The following CNNM1 variants were observed in gnomAD, a reference collection of about 807,000 sequenced individuals.
CNNM1 encodes the protein metal transporter CNNM1.
Under a neutral mutation model 78.8 loss-of-function variants are expected in CNNM1, and 44 were observed. The observed-to-expected ratio is 0.56, with a 90% CI of 0.44 to 0.72. The LOEUF is 0.72. CNNM1 is among the 30% of genes least tolerant of loss of function. The pLI is 0.00. For missense variants in CNNM1, 1,101 were observed against 1,292.2 expected (o/e 0.85, Z 2.27); for synonymous variants, 584 against 581.5 (o/e 1.00, Z -0.06).
In CNNM1 at chr10:99,392,905, C is replaced by T; in HGVS notation, c.*1389C>T. ...CCTGGGAGGCAGAGGTTGCAGTGAGCTGAGATCACACCACTGCACTTCATC... is the reference window on the plus strand; with the variant it reads ...CCTGGGAGGCAGAGGTTGCAGTGAGTTGAGATCACACCACTGCACTTCATC... On this transcript the variant is annotated 3_prime_UTR_variant, in exon 11 of 11. Coordinates refer to ENST00000356713, the MANE Select transcript of CNNM1 (RefSeq NM_020348.3). 6.6e-6 allele frequency: 1 copy of T among 151,896 alleles called. No individual in the cohort carries two copies. The highest frequency in any genetic ancestry group is 1.5e-5 in the Non-Finnish European group (1 of 68,336). 9.4% of individuals were successfully genotyped at this position (151,896 alleles called of 1,614,324 possible). A position where few individuals can be genotyped will look rare whatever the true frequency, so the allele number is the denominator to read the frequency against.
At chr10:99,337,297 C>T (rs1257124756) in intron 1 of CNNM1, among the ~76,000 whole-genome samples, 1 of 152,192 alleles carries the variant, frequency 6.6e-6, no homozygotes, top group Non-Finnish European at 1.5e-5. Context: ...TCAGCAGCTC[C>T]CCGCTGCCTA....
At position 99,391,725 on chromosome 10, in the gene CNNM1, A is replaced by G; in HGVS notation, c.*209A>G. 1 of 535,726 alleles carries G rather than the reference A, an allele frequency of 1.9e-6. No homozygotes were observed. The highest frequency in any genetic ancestry group is 3.3e-6 in the Non-Finnish European group (1 of 299,282). The allele number at this position is 535,726 out of a possible 1,614,324, so 33.2% of individuals were successfully genotyped here. A position where few individuals can be genotyped will look rare whatever the true frequency, so the allele number is the denominator to read the frequency against. On this transcript the variant is annotated 3_prime_UTR_variant, in exon 11 of 11. Transcript: ENST00000356713. The stretch of plus-strand genomic sequence containing the variant: ...AGAACCTTGACATGGCCATAACAGA[A>G]GGAGGTGCCTCTGATAGAACATGCT...
intron 7 of CNNM1, among the ~76,000 whole-genome samples, chr10:99,379,118 C>T (rs189624791): frequency 3.9e-5 from 6 of 152,250 alleles, no homozygotes; most frequent in Admixed American, 1.3e-4. Flanking sequence ...GGTTGGTTTT[C>T]GTGTTGGACA....
chr10:99,368,605 C>T (rs17568778), intron 6 of CNNM1: 7 of 1,289,212 alleles, frequency 5.4e-6, no homozygotes, highest in African/African-American at 1.5e-5. Context: ...ATCCTTGGCC[C>T]CTGACTCTTT....
At chr10:99,368,688 T>C in intron 6 of CNNM1, 4 of 1,289,594 alleles carry the variant, frequency 3.1e-6, no homozygotes, top group Middle Eastern at 2.1e-4. Flanking sequence ...CAGGTAAACA[T>C]GCATGGGTGT....
In CNNM1 at chr10:99,393,469, C is replaced by T. The variant is rs2032531467; in HGVS notation, c.*1953C>T. ...GTTTTTTCCAGAGCATTAAAGCTTTCATAAGGTTCTCAAAGGTCTCAGACC... is the reference window on the plus strand; with the variant it reads ...GTTTTTTCCAGAGCATTAAAGCTTTTATAAGGTTCTCAAAGGTCTCAGACC... On this transcript the variant is annotated 3_prime_UTR_variant, in exon 11 of 11. Transcript: ENST00000356713. The T allele has an allele frequency of 6.6e-6, 1 of 152,354 alleles. No homozygotes were observed. Among genetic ancestry groups the T allele is most frequent in the African/African-American group, 2.4e-5 (1 of 41,384 alleles). The allele number at this position is 152,354 out of a possible 1,614,324, so 9.4% of individuals were successfully genotyped here.
chr10:99,376,653 A>G (rs969658238), intron 6 of CNNM1, among the ~76,000 whole-genome samples: 1 of 152,208 alleles, frequency 6.6e-6, no homozygotes, highest in Non-Finnish European at 1.5e-5. Context: ...CCATGCTTGT[A>G]GTACTGCCCT....
chr10:99,368,222 A>C, intron 6 of CNNM1: 1 of 218,944 alleles, frequency 4.6e-6, no homozygotes, highest in East Asian at 1.1e-4. Flanking sequence ...TGCCCTTGGC[A>C]GTTGAGCTCC....
rs536992775 is a variant in CNNM1 at position 99,380,737 on chromosome 10, A to G, written c.2340+3519A>G. Among the ~76,000 whole-genome samples the G allele has an allele frequency of 4.6e-5, 7 of 151,670 alleles. No homozygotes were observed. The South Asian group carries it at 1.5e-3, about 32-fold the overall frequency. ...ACCTGGGAGGCGGAGGTGGCAGTGAACTGAGATCGTGCCACTGCACTCCAG... is the reference window on the plus strand; with the variant it reads ...ACCTGGGAGGCGGAGGTGGCAGTGAGCTGAGATCGTGCCACTGCACTCCAG... On this transcript the variant is annotated intron_variant, in intron 7 of 10. Coordinates refer to ENST00000356713, the MANE Select transcript of CNNM1 (RefSeq NM_020348.3).
At chr10:99,355,810 GA>G (rs1178706952) in intron 1 of CNNM1, among the ~76,000 whole-genome samples, 1 of 152,158 alleles carries the variant, frequency 6.6e-6, no homozygotes, top group Non-Finnish European at 1.5e-5. Flanking sequence ...GAATTAAATA[GA>G]TAAATTTAGA....
At chr10:99,354,764 A>G (rs570921473) in intron 1 of CNNM1, among the ~76,000 whole-genome samples, 18 of 152,264 alleles carry the variant, frequency 1.2e-4, no homozygotes, top group African/African-American at 4.3e-4. Context: ...GTAACCTGGT[A>G]TGCCTGAAGT....
At position 99,360,776 on chromosome 10, in the gene CNNM1, A is replaced by G. The variant is rs995378462; in HGVS notation, c.1718-59A>G. 5.9e-6 allele frequency: 9 copies of G among 1,524,372 alleles called. No individual in the cohort carries two copies. In the African/African-American group the frequency reaches 8.3e-5, roughly 14 times the overall value. The allele number at this position is 1,524,372 out of a possible 1,614,324, so 94.4% of individuals were successfully genotyped here. ...ATCTGTCCCCTGTGATTCTGGGAAA[A>G]CCTCCAAAGATCAACGTGATTCTGA... On this transcript the variant is annotated intron_variant, in intron 2 of 10. Coordinates refer to ENST00000356713, the MANE Select transcript of CNNM1 (RefSeq NM_020348.3).
At chr10:99,376,958 A>T in intron 6 of CNNM1, 97 bp from the exon 7 acceptor site, 1 of 1,217,540 alleles carries the variant, frequency 8.2e-7, no homozygotes, top group Non-Finnish European at 1.2e-6. Flanking sequence ...CTCAGTAAAC[A>T]ACACCTGTCT....
Position 99,330,685 on chromosome 10 carries a change from T to C in CNNM1, c.1298T>C (p.Leu433Pro). The C allele has an allele frequency of 6.2e-7, 1 of 1,613,982 alleles. No homozygotes were observed. The highest frequency in any genetic ancestry group is 8.5e-7 in the Non-Finnish European group (1 of 1,179,870). The part of the protein sequence containing the change: ...ELRTKVVEEV[L>P]TPLGDCFMLR... ...CGCACCAAAGTTGTGGAGGAGGTGC[T>C]GACCCCCCTGGGAGACTGCTTCATG... Residue 433 changes from leucine (L) to proline (P), a missense_variant, in exon 1 of 11, where the codon CTG becomes CCG. Physicochemically the swap from Leu to Pro is moderately conservative, Grantham distance 98 (BLOSUM62 -3). Coordinates refer to ENST00000356713, the MANE Select transcript of CNNM1 (RefSeq NM_020348.3).
At chr10:99,356,792 G>T (rs1833587024) in intron 1 of CNNM1, among the ~76,000 whole-genome samples, 1 of 152,132 alleles carries the variant, frequency 6.6e-6, no homozygotes. Flanking sequence ...GCTCAGCTGG[G>T]ACTGGCACCT....
Position 99,392,276 on chromosome 10 carries a change from GAAGA to G in CNNM1, c.*761_*764del, listed in dbSNP as rs2032495658. 1 of 152,420 alleles carries G rather than the reference GAAGA, an allele frequency of 6.6e-6. No individual in the cohort carries two copies. The highest frequency in any genetic ancestry group is 1.9e-4 in the East Asian group (1 of 5,194). The allele number at this position is 152,420 out of a possible 1,614,324, so 9.4% of individuals were successfully genotyped here. On this transcript the variant is annotated 3_prime_UTR_variant, in exon 11 of 11. Transcript: ENST00000356713. ...TCAATCGATCAATAATTCTGCTCTG[GAAGA>G]GAAGGAACAGGGAGCAGAGAGACCC... is the stretch of plus-strand genomic sequence containing the variant.
rs775246974 is a variant in CNNM1, at chr10:99,387,807, C to T, written c.2341-13C>T. The T allele has an allele frequency of 1.3e-6, 2 of 1,579,394 alleles. No homozygotes were observed. Among genetic ancestry groups the T allele is most frequent in the South Asian group, 2.4e-5 (2 of 84,580 alleles). Reference sequence around the variant, plus strand: ...GCCTAGCTGCTCCTAAGCTCCTGCCCTCTTCCTTCCAGATCACACGGCAGC... The same window carrying T: ...GCCTAGCTGCTCCTAAGCTCCTGCCTTCTTCCTTCCAGATCACACGGCAGC... On this transcript the variant is annotated splice_polypyrimidine_tract_variant and intron_variant, in intron 7 of 10. Transcript: ENST00000356713.
chr10:99,351,213 A>G (rs1452057409), intron 1 of CNNM1, among the ~76,000 whole-genome samples: 1 of 152,118 alleles, frequency 6.6e-6, no homozygotes, highest in Non-Finnish European at 1.5e-5. Flanking sequence ...GTAATGGGTA[A>G]TTTTACTGAC....
At chr10:99,359,004 CAAAAAAAAAAAAAAA>C (rs769541046) in intron 2 of CNNM1, among the ~76,000 whole-genome samples, 36 of 51,520 alleles carry the variant, frequency 7.0e-4, no homozygotes, top group East Asian at 2.4e-3. Context: ...AAGACTGTCT[CAAAAAAAAAAAAAAA>C]AAAAAAAAAA....
Sources: gnomAD v4.1 joint callset for allele counts (sites outside exome capture counted in the v4.1 genomes callset) on GRCh38, gnomAD v4.1.1 for gene constraint, MANE v1.5 for transcripts, NCBI Gene and HGNC (gene_info 2026-07-23, HGNC 2026-07-21) for gene names.